ETV6: variants seen among roughly 807,000 people sequenced by gnomAD.
The protein encoded by ETV6 is transcription factor ETV6.
In ETV6, 16 loss-of-function variants were observed where a neutral mutation model predicts 51.1. The observed-to-expected ratio is 0.31, with a 90% CI of 0.21 to 0.48. ETV6 has a LOEUF of 0.48. Among genes scored for constraint, ETV6 ranks in the 20% least tolerant of loss-of-function variants. The pLI, the probability that ETV6 is intolerant of heterozygous loss-of-function variation, is 0.99. For synonymous variants in ETV6, 240 were observed against 224.1 expected (o/e 1.07, Z -0.64); for missense variants, 458 against 594.8 (o/e 0.77, Z 2.39).
intron 1 of ETV6, chr12:11,751,526 G>T (rs558990274): frequency 4.0e-6 from 2 of 502,274 alleles, no homozygotes; most frequent in African/African-American, 3.9e-5. Context: ...CTGTTTTGCC[G>T]AACCCAACAG....
chr12:11,719,852 C>T (rs1244864049), intron 1 of ETV6, among the ~76,000 whole-genome samples: 2 of 152,228 alleles, frequency 1.3e-5, no homozygotes, highest in African/African-American at 4.8e-5. Flanking sequence ...CTCTTTCAGC[C>T]ACTTCCCTCA....
chr12:11,815,425 G>A (rs1325950939), intron 2 of ETV6, among the ~76,000 whole-genome samples: 1 of 152,218 alleles, frequency 6.6e-6, no homozygotes, highest in African/African-American at 2.4e-5. Flanking sequence ...GGAGGACACC[G>A]ACCCGTGGTG....
intron 1 of ETV6, among the ~76,000 whole-genome samples, chr12:11,721,041 T>C (rs1295924530): frequency 6.6e-6 from 1 of 152,154 alleles, no homozygotes; most frequent in Non-Finnish European, 1.5e-5. Flanking sequence ...CCAGTCAGAA[T>C]GCTATTATCA....
intron 3 of ETV6, among the ~76,000 whole-genome samples, chr12:11,851,029 C>T (rs894562891): frequency 4.6e-5 from 7 of 152,140 alleles, no homozygotes; most frequent in African/African-American, 1.7e-4. Flanking sequence ...TTGCATTTTA[C>T]AGAGAAGTTC....
At chr12:11,858,402 A>T (rs1946663736) in intron 4 of ETV6, among the ~76,000 whole-genome samples, 1 of 150,488 alleles carries the variant, frequency 6.6e-6, no homozygotes. Context: ...ATATATATAT[A>T]TATTTTTTTT....
At chr12:11,713,791 A>C (rs1488785370) in intron 1 of ETV6, among the ~76,000 whole-genome samples, 3 of 152,182 alleles carry the variant, frequency 2.0e-5, no homozygotes, top group Non-Finnish European at 1.5e-5. Context: ...GATGTTCATT[A>C]GAATCACCCT....
At chr12:11,713,512 C>T (rs924155837) in intron 1 of ETV6, among the ~76,000 whole-genome samples, 3 of 152,134 alleles carry the variant, frequency 2.0e-5, no homozygotes, top group South Asian at 2.1e-4. Flanking sequence ...GCACTTCTCC[C>T]TCAGGGCCTT....
At chr12:11,854,104 C>T (rs572597607) in intron 4 of ETV6, among the ~76,000 whole-genome samples, 165 of 152,226 alleles carry the variant, frequency 1.1e-3, no homozygotes, top group African/African-American at 3.7e-3. Flanking sequence ...TGCAACTAGA[C>T]GTTCCCATCT....
In ETV6 at chr12:11,752,568, C is replaced by T; in HGVS notation, c.152C>T (p.Pro51Leu). The T allele has an allele frequency of 6.2e-7, 1 of 1,612,386 alleles. No individual in the cohort carries two copies. The highest frequency in any genetic ancestry group is 8.5e-7 in the Non-Finnish European group (1 of 1,179,776). The stretch of plus-strand genomic sequence containing the variant: ...ATGGAGGAAGACTCGATCCGCCTGC[C>T]TGCGCACCTGCGTGAGTGTTCGTGA... Reference protein sequence around the residue: ...LRMEEDSIRLPAHLRLQPIYW... With the variant: ...LRMEEDSIRLLAHLRLQPIYW... The change falls in exon 2 of 8, where the codon CCT (proline) becomes CTT (leucine). Residue 51 changes from proline (P) to leucine (L), a missense_variant. Physicochemically the swap from Pro to Leu is moderately conservative, Grantham distance 98. Coordinates refer to ENST00000396373, the MANE Select transcript of ETV6 (RefSeq NM_001987.5).
chr12:11,744,281 C>T (rs1467634619), intron 1 of ETV6, among the ~76,000 whole-genome samples: 1 of 152,176 alleles, frequency 6.6e-6, no homozygotes, highest in Admixed American at 6.5e-5. Context: ...AATAGCCAGA[C>T]CATTAAAGGG....
At chr12:11,752,621 T>G (rs1356461165) in intron 2 of ETV6, 42 bp downstream of exon 2, 2 of 1,581,672 alleles carry the variant, frequency 1.3e-6, no homozygotes, top group South Asian at 2.2e-5. Flanking sequence ...ATTGATGGCG[T>G]GGGGCGGGGG....
At chr12:11,736,770 A>G (rs943142762) in intron 1 of ETV6, among the ~76,000 whole-genome samples, 1 of 152,164 alleles carries the variant, frequency 6.6e-6, no homozygotes, top group Admixed American at 6.5e-5. Flanking sequence ...TTGTAGCAAG[A>G]TTTTTATGTA....
intron 1 of ETV6, among the ~76,000 whole-genome samples, chr12:11,701,674 G>GT (rs1238283955): frequency 6.6e-6 from 1 of 152,184 alleles, no homozygotes; most frequent in Non-Finnish European, 1.5e-5. Context: ...CAGCTACTGT[G>GT]TATCAGGGGC....
At chr12:11,722,780 A>C (rs970652129) in intron 1 of ETV6, among the ~76,000 whole-genome samples, 1 of 152,200 alleles carries the variant, frequency 6.6e-6, no homozygotes, top group Non-Finnish European at 1.5e-5. Flanking sequence ...GGAGGAAGTG[A>C]TGTTTTCTTA....
chr12:11,676,949 C>T (rs962773785), intron 1 of ETV6, among the ~76,000 whole-genome samples: 1 of 152,220 alleles, frequency 6.6e-6, no homozygotes, highest in African/African-American at 2.4e-5. Flanking sequence ...TGCATATCTG[C>T]AATATTGTCA....
chr12:11,884,581 C>T lies in ETV6; in HGVS notation c.1146C>T (p.Asn382=). 1 of 1,614,062 alleles carries T rather than the reference C, an allele frequency of 6.2e-7. No individual in the cohort carries two copies. Among genetic ancestry groups the T allele is most frequent in the Non-Finnish European group, 8.5e-7 (1 of 1,180,018 alleles). ...ACGGACTGGCTCGACTGTGGGGAAA[C>T]CATAAGGTAAAAGGGCAGCAGATAT... ...DPNGLARLWG[N]HKNRTNMTYE... is the part of the protein sequence containing the mutation. The change falls in exon 6 of 8, where the codon AAC becomes AAT. Residue 382 remains asparagine (N), a synonymous_variant. Coordinates refer to ENST00000396373, the MANE Select transcript of ETV6 (RefSeq NM_001987.5).
intron 2 of ETV6, among the ~76,000 whole-genome samples, chr12:11,763,440 A>C (rs937290833): frequency 1.3e-5 from 2 of 152,196 alleles, no homozygotes; most frequent in African/African-American, 4.8e-5. Flanking sequence ...ATGGGTTATA[A>C]ATGAAACTAC....
chr12:11,651,950 GGTTT>G (rs1863915170), intron 1 of ETV6, among the ~76,000 whole-genome samples: 1 of 152,142 alleles, frequency 6.6e-6, no homozygotes, highest in Non-Finnish European at 1.5e-5. Flanking sequence ...GCTACTGAGT[GGTTT>G]GTTTCATTGT....
At position 11,661,981 on chromosome 12, in the gene ETV6, G is replaced by A. The variant is rs139280857; in HGVS notation, c.33+11821G>A. Among the ~76,000 whole-genome samples the A allele has an allele frequency of 1.8e-4, 28 of 152,288 alleles. 1 individual carries two copies. The East Asian group carries it at 4.4e-3, about 24-fold the overall frequency. ...TGATGATCCTCTAATCTTTTGCAGC[G>A]TGCTGTAAGAGTATCTTTAACTTTC... On this transcript the variant is annotated intron_variant, in intron 1 of 7. Coordinates refer to ENST00000396373, the MANE Select transcript of ETV6 (RefSeq NM_001987.5).
Sources: allele counts gnomAD v4.1 joint callset (sites outside exome capture counted in the v4.1 genomes callset), GRCh38; gene constraint gnomAD v4.1.1; transcripts MANE v1.5; gene names NCBI Gene and HGNC (gene_info 2026-07-23, HGNC 2026-07-21).